MYO5B: variants seen among roughly 807,000 people sequenced by gnomAD.
The protein encoded by MYO5B is unconventional myosin-Vb.
In MYO5B, 143 loss-of-function variants were observed where a neutral mutation model predicts 229.3. The ratio of observed to expected loss-of-function variants is 0.62; its 90% CI spans 0.54 to 0.72. MYO5B has a LOEUF of 0.72. MYO5B is among the 30% of genes least tolerant of loss of function. The probability of loss-of-function intolerance (pLI) is 0.00; values close to 1 mark genes in which losing one functional copy is unlikely to be tolerated. For synonymous variants in MYO5B, 918 were observed against 885.2 expected (o/e 1.04, Z -0.66); for missense variants, 2,321 against 2,331.0 (o/e 1.00, Z 0.09).
intron 29 of MYO5B, among the ~76,000 whole-genome samples, chr18:49,862,512 T>A (rs1334422843): frequency 6.6e-6 from 1 of 152,212 alleles, no homozygotes; most frequent in East Asian, 1.9e-4. Context: ...CTGAGGCACC[T>A]ATCGGTCATG....
intron 1 of MYO5B, among the ~76,000 whole-genome samples, chr18:50,076,898 A>G (rs2031090963): frequency 1.3e-5 from 2 of 149,872 alleles, no homozygotes; most frequent in Non-Finnish European, 3.0e-5. Context: ...ACTGAACAAT[A>G]AAGAAGCCCA....
intron 7 of MYO5B, among the ~76,000 whole-genome samples, chr18:49,988,867 T>G (rs574745245): frequency 6.6e-6 from 1 of 152,298 alleles, no homozygotes; most frequent in East Asian, 1.9e-4. Context: ...CACACACTCC[T>G]TGTCCTCAAG....
At chr18:50,180,326 CA>C (rs2033055069) in intron 1 of MYO5B, among the ~76,000 whole-genome samples, 1 of 152,198 alleles carries the variant, frequency 6.6e-6, no homozygotes, top group Non-Finnish European at 1.5e-5. Flanking sequence ...ACAGTTCACA[CA>C]TTACCTCATT....
At chr18:49,966,396 C>T (rs1352496945) in intron 10 of MYO5B, among the ~76,000 whole-genome samples, 1 of 152,204 alleles carries the variant, frequency 6.6e-6, no homozygotes, top group African/African-American at 2.4e-5. Flanking sequence ...GCAGGAGAAG[C>T]ACTGTGTCTG....
chr18:50,088,825 C>A (rs1372282529), intron 1 of MYO5B, among the ~76,000 whole-genome samples: 1 of 152,188 alleles, frequency 6.6e-6, no homozygotes, highest in Non-Finnish European at 1.5e-5. Flanking sequence ...CATCAACACA[C>A]TTCTTTTGAA....
At chr18:50,103,954 TA>T (rs2144506287) in intron 1 of MYO5B, among the ~76,000 whole-genome samples, 1 of 150,128 alleles carries the variant, frequency 6.7e-6, no homozygotes, top group South Asian at 2.1e-4. Flanking sequence ...CCTTCTTAGT[TA>T]AAAGTATCAG....
chr18:49,956,907 T>A (rs1422641784), intron 12 of MYO5B, among the ~76,000 whole-genome samples: 1 of 152,032 alleles, frequency 6.6e-6, no homozygotes. Flanking sequence ...AGTGGTTGCC[T>A]GGGGCTGGAG....
chr18:50,015,934 T>C (rs1025040982), intron 4 of MYO5B, among the ~76,000 whole-genome samples: 1 of 152,226 alleles, frequency 6.6e-6, no homozygotes, highest in African/African-American at 2.4e-5. Context: ...CCTCCAGTCC[T>C]GGTCATCTTG....
chr18:49,981,389 A>G lies in MYO5B; in HGVS notation c.947-836T>C, dbSNP rs571675725. ...TTTAAGGCAATATTTTATTCAGGCT[A>G]AAAAACAGTAACACCTGTAAAAATG... On this transcript the variant is annotated intron_variant, in intron 8 of 39. Transcript: ENST00000285039. Among the ~76,000 whole-genome samples the G allele has an allele frequency of 3.3e-5, 5 of 152,262 alleles. No homozygotes were observed. In the East Asian group the frequency reaches 9.6e-4, roughly 29 times the overall value.
At chr18:50,164,157 T>A (rs1284077220) in intron 1 of MYO5B, among the ~76,000 whole-genome samples, 1 of 152,178 alleles carries the variant, frequency 6.6e-6, no homozygotes, top group Non-Finnish European at 1.5e-5. Flanking sequence ...CACACGAACC[T>A]CTTAACTTAC....
At chr18:49,920,412 T>C (rs941903616) in intron 17 of MYO5B, among the ~76,000 whole-genome samples, 1 of 152,126 alleles carries the variant, frequency 6.6e-6, no homozygotes, top group Non-Finnish European at 1.5e-5. Context: ...GGGGTTCCAG[T>C]GCAAAGGTTG....
intron 1 of MYO5B, among the ~76,000 whole-genome samples, chr18:50,089,854 CA>C (rs1449606398): frequency 6.6e-6 from 1 of 152,164 alleles, no homozygotes; most frequent in Non-Finnish European, 1.5e-5. Flanking sequence ...GCCACCCCCG[CA>C]TAACCCCACA....
rs141546267 is a variant in MYO5B at position 49,898,708 on chromosome 18, G to C, written c.2812-3534C>G. On this transcript the variant is annotated intron_variant, in intron 21 of 39. Transcript: ENST00000285039. The stretch of plus-strand genomic sequence containing the variant: ...GAACTGCATGGTTCTTTTCTATTAA[G>C]AACTCTCAAGCCACTCAGTTTTCTT... 4.6e-5 allele frequency among the ~76,000 whole-genome samples: 7 copies of C among 152,236 alleles called. No individual in the cohort carries two copies. In the East Asian group the frequency reaches 1.4e-3, roughly 29 times the overall value.
At chr18:50,032,973 G>A (rs1205609914) in intron 4 of MYO5B, among the ~76,000 whole-genome samples, 2 of 151,600 alleles carry the variant, frequency 1.3e-5, no homozygotes, top group African/African-American at 4.9e-5. Context: ...GGCAACAAGA[G>A]TGAAACTCAT....
At chr18:49,856,542 CTT>C (rs1217610321) in intron 30 of MYO5B, among the ~76,000 whole-genome samples, 3 of 152,226 alleles carry the variant, frequency 2.0e-5, no homozygotes, top group African/African-American at 4.8e-5. Flanking sequence ...ACCTCCTGCT[CTT>C]GTCTCTTTCT....
At chr18:50,065,931 C>T (rs982619663) in intron 1 of MYO5B, among the ~76,000 whole-genome samples, 1 of 151,692 alleles carries the variant, frequency 6.6e-6, no homozygotes. Flanking sequence ...GAGGAGGGCT[C>T]GCTAAGGAAC....
intron 4 of MYO5B, among the ~76,000 whole-genome samples, chr18:50,001,801 G>A (rs749578685): frequency 6.6e-6 from 1 of 151,902 alleles, no homozygotes; most frequent in African/African-American, 2.4e-5. Flanking sequence ...GGGAGGCCGA[G>A]GTGGTGAGTC....
intron 1 of MYO5B, among the ~76,000 whole-genome samples, chr18:50,059,890 C>T (rs1161177318): frequency 6.6e-6 from 1 of 152,136 alleles, no homozygotes; most frequent in Non-Finnish European, 1.5e-5. Context: ...AGATGCATTG[C>T]TTCTGTAATC....
chr18:49,909,150 C>T (rs550056710), intron 18 of MYO5B, among the ~76,000 whole-genome samples: 1 of 152,226 alleles, frequency 6.6e-6, no homozygotes, highest in Non-Finnish European at 1.5e-5. Context: ...AGTTAACACG[C>T]AGCTCTGTCA....
Sources: allele counts gnomAD v4.1 joint callset (sites outside exome capture counted in the v4.1 genomes callset), GRCh38; gene constraint gnomAD v4.1.1; transcripts MANE v1.5; gene names NCBI Gene and HGNC (gene_info 2026-07-23, HGNC 2026-07-21).